The following LCN6 variants were observed in gnomAD, a reference collection of about 807,000 sequenced individuals.
LCN6 encodes epididymal-specific lipocalin-6.
A neutral mutation model predicts 21.4 loss-of-function variants in LCN6; 20 were observed. The observed-to-expected ratio is 0.93, with a 90% CI of 0.66 to 1.36. The LOEUF is 1.36. LCN6 is among the 40% of genes most tolerant of loss of function. The pLI, the probability that LCN6 is intolerant of heterozygous loss-of-function variation, is 0.00. For synonymous variants in LCN6, 96 were observed against 89.0 expected, an observed-to-expected ratio of 1.08 and a Z score of -0.44; for missense variants, 217 against 206.6, an observed-to-expected ratio of 1.05 and a Z score of -0.31.
rs1847004789 is a variant in LCN6 at position 136,744,442 on chromosome 9, C to G, written c.*23-78G>C. On this transcript the variant is annotated intron_variant, in intron 5 of 6. Coordinates refer to ENST00000341206, the MANE Select transcript of LCN6 (RefSeq NM_198946.3). The surrounding 1 kb of genome is among the most constrained non-coding windows in gnomAD (Gnocchi z 4.2). ...CCAGGGCCCCACCCACAAGACTCGCCTGCCGTGGGGACAAGACCCCCAGGC... is the reference window on the plus strand; with the variant it reads ...CCAGGGCCCCACCCACAAGACTCGCGTGCCGTGGGGACAAGACCCCCAGGC... The G allele has an allele frequency of 4.0e-6, 2 of 502,848 alleles. No homozygotes were observed. Among genetic ancestry groups the G allele is most frequent in the Admixed American group, 6.1e-5 (2 of 32,566 alleles). The allele number at this position is 502,848 out of a possible 1,614,324, so 31.1% of individuals were successfully genotyped here.
At chr9:136,748,324 A>G in intron 1 of LCN6, 70 bp downstream of exon 1, 1 of 1,372,354 alleles carries the variant, frequency 7.3e-7, no homozygotes, top group Admixed American at 2.1e-5. Context: ...GGGGGCCCAG[A>G]AGCTGTGTGG....
intron 1 of LCN6, among the ~76,000 whole-genome samples, chr9:136,748,099 T>G (rs1847075139): frequency 7.2e-6 from 1 of 139,490 alleles, no homozygotes; most frequent in South Asian, 2.3e-4. Context: ...CCTCCAGTTC[T>G]CCAGCCCTAC....
rs1029941770 is a variant in LCN6 at position 136,744,501 on chromosome 9, C to T, written c.*23-137G>A. ...GGGCAGGGGCAGGTGAAGACCCCCT[C>T]AGCCTGCCTGACTCCTTCAGGGCGA... On this transcript the variant is annotated intron_variant, in intron 5 of 6. Coordinates refer to ENST00000341206, the MANE Select transcript of LCN6 (RefSeq NM_198946.3). This position sits in a 1 kb window ranked among gnomAD's most constrained non-coding sequence, Gnocchi z 4.2. The T allele has an allele frequency of 6.3e-5, 36 of 575,440 alleles. No individual in the cohort carries two copies. Among genetic ancestry groups the T allele is most frequent in the Non-Finnish European group, 1.1e-4 (36 of 318,754 alleles). The allele number at this position is 575,440 out of a possible 1,614,324, so 35.6% of individuals were successfully genotyped here. A position where few individuals can be genotyped will look rare whatever the true frequency, so the allele number is the denominator to read the frequency against.
At chr9:136,745,801 C>T (rs572955213) in intron 3 of LCN6, 43 bp downstream of exon 3, 2 of 1,569,998 alleles carry the variant, frequency 1.3e-6, no homozygotes, top group African/African-American at 1.3e-5. Flanking sequence ...GGGGATGCTG[C>T]AGGGAAGAAC....
intron 2 of LCN6, among the ~76,000 whole-genome samples, chr9:136,746,366 G>A (rs528124084): frequency 2.0e-4 from 17 of 84,454 alleles, no homozygotes; most frequent in African/African-American, 3.0e-4. Context: ...GTGGGGGTTC[G>A]CCTGCGACTC....
At position 136,744,816 on chromosome 9, in the gene LCN6, G is replaced by A. The variant is rs868200304; in HGVS notation, c.413-75C>T. 8.9e-7 allele frequency: 1 copy of A among 1,121,218 alleles called. No homozygotes were observed. 69.5% of individuals were successfully genotyped at this position (1,121,218 alleles called of 1,614,324 possible). On this transcript the variant is annotated intron_variant, in intron 4 of 6. Coordinates refer to ENST00000341206, the MANE Select transcript of LCN6 (RefSeq NM_198946.3). The surrounding 1 kb of genome is among the most constrained non-coding windows in gnomAD (Gnocchi z 4.2). ...AGGGGCCGGGGAGGGGCTGGGAAGG[G>A]TCAGGAAGGAGGCCACCTGCCCTGG... is the stretch of plus-strand genomic sequence containing the variant.
Position 136,744,777 on chromosome 9 carries a change from T to A in LCN6, c.413-36A>T. ...CAGGGCAGTGCAGGGGGAAGCAACC[T>A]CTGAGAGCTGGGGAGGGGCCGGGGA... On this transcript the variant is annotated intron_variant, in intron 4 of 6. Transcript: ENST00000341206. This position sits in a 1 kb window ranked among gnomAD's most constrained non-coding sequence, Gnocchi z 4.2. 2 of 1,308,240 alleles carry A rather than the reference T, an allele frequency of 1.5e-6. No homozygotes were observed. Among genetic ancestry groups the A allele is most frequent in the Non-Finnish European group, 2.2e-6 (2 of 912,830 alleles). 81.0% of individuals were successfully genotyped at this position (1,308,240 alleles called of 1,614,324 possible).
chr9:136,747,930 G>A (rs1847071484), intron 1 of LCN6, among the ~76,000 whole-genome samples: 1 of 106,054 alleles, frequency 9.4e-6, no homozygotes, highest in South Asian at 2.8e-4. Flanking sequence ...ACAGCCTCTA[G>A]GCTCCAGCCC....
Position 136,744,956 on chromosome 9 carries a change from C to A in LCN6, c.412+214G>T, listed in dbSNP as rs1011765765. On this transcript the variant is annotated intron_variant, in intron 4 of 6. Coordinates refer to ENST00000341206, the MANE Select transcript of LCN6 (RefSeq NM_198946.3). The surrounding 1 kb of genome is among the most constrained non-coding windows in gnomAD (Gnocchi z 4.2). The stretch of plus-strand genomic sequence containing the variant: ...ACCCACCACACAGCTCCCCACATGG[C>A]CCCCGAGCGGCCCACTCACCACACA... Among the ~76,000 whole-genome samples, 4 of 149,190 alleles carry A rather than the reference C, an allele frequency of 2.7e-5. No homozygotes were observed. The highest frequency in any genetic ancestry group is 7.4e-5 in the African/African-American group (3 of 40,794).
intron 1 of LCN6, 78 bp downstream of exon 1, chr9:136,748,316 G>T: frequency 7.8e-7 from 1 of 1,289,968 alleles, no homozygotes; most frequent in Non-Finnish European, 1.1e-6. Flanking sequence ...TAGCCCTGGG[G>T]GGCCCAGAAG....
At position 136,747,562 on chromosome 9, in the gene LCN6, A is replaced by G. The variant is rs758932260; in HGVS notation, c.92T>C (p.Leu31Pro). 3.1e-6 allele frequency: 5 copies of G among 1,609,844 alleles called. No individual in the cohort carries two copies. The highest frequency in any genetic ancestry group is 2.2e-5 in the East Asian group (1 of 44,884). ...CGCAAGCACGTACCAGGGCCCAAGA[A>G]GCTGCATTGAGGCGGCTCCCGTTAG... ...VWLGRLDPEQ[L>P]LGPWYVLAVA... The change falls in exon 2 of 7, where the codon CTT becomes CCT. Residue 31 changes from leucine (L) to proline (P), a missense_variant and splice_region_variant. Physicochemically the swap from Leu to Pro is moderately conservative, Grantham distance 98. Coordinates refer to ENST00000341206, the MANE Select transcript of LCN6 (RefSeq NM_198946.3).
Position 136,744,725 on chromosome 9 carries a change from G to A in LCN6, c.429C>T (p.Ala143=). The A allele has an allele frequency of 6.2e-7, 1 of 1,609,868 alleles. No individual in the cohort carries two copies. The highest frequency in any genetic ancestry group is 8.5e-7 in the Non-Finnish European group (1 of 1,178,038). ...TGAAGAGCCCCATGGCCTCCTGGCT[G>A]GCTGTCTCCGTCAGACCTGGGGGCA... The part of the protein sequence containing the change: ...TVELYSLTET[A]SQEAMGLFTK... The change falls in exon 5 of 7, where the codon GCC becomes GCT. Residue 143 remains alanine (A), a synonymous_variant. Coordinates refer to ENST00000341206, the MANE Select transcript of LCN6 (RefSeq NM_198946.3). This position sits in a 1 kb window ranked among gnomAD's most constrained non-coding sequence, Gnocchi z 4.2.
intron 1 of LCN6, 38 bp downstream of exon 1, chr9:136,748,356 C>T (rs1272937898): frequency 1.9e-6 from 3 of 1,555,544 alleles, no homozygotes; most frequent in Non-Finnish European, 2.6e-6. Flanking sequence ...GGGCTGGCCC[C>T]CGAGGACCAG....
chr9:136,745,811 C>T (rs376443515), intron 3 of LCN6, 33 bp downstream of exon 3: 15 of 1,599,006 alleles, frequency 9.4e-6, no homozygotes, highest in African/African-American at 5.4e-5. Flanking sequence ...CAGGGAAGAA[C>T]GGCCTGGGTG....
intron 3 of LCN6, 106 bp downstream of exon 3, chr9:136,745,738 C>G (rs887331704): frequency 5.2e-6 from 5 of 968,184 alleles, no homozygotes; most frequent in Non-Finnish European, 6.6e-6. Context: ...AACCTGTAGC[C>G]TCCTGGCTCT....
Position 136,745,297 on chromosome 9 carries a change from C to T in LCN6, c.302-17G>A, listed in dbSNP as rs763830660. On this transcript the variant is annotated splice_polypyrimidine_tract_variant and intron_variant, in intron 3 of 6. Coordinates refer to ENST00000341206, the MANE Select transcript of LCN6 (RefSeq NM_198946.3). ...CGCCTATTGCTAGGAAACAAAACCC[C>T]CCGCCTCAGGGGAGGGCAGCTGCTG... The T allele has an allele frequency of 2.0e-5, 31 of 1,577,146 alleles. No individual in the cohort carries two copies. In the South Asian group the frequency reaches 2.7e-4, roughly 14 times the overall value.
rs755555733 is a variant in LCN6 at position 136,744,461 on chromosome 9, C to T, written c.*23-97G>A. On this transcript the variant is annotated intron_variant, in intron 5 of 6. Transcript: ENST00000341206. The surrounding 1 kb of genome is among the most constrained non-coding windows in gnomAD (Gnocchi z 4.2). ...ACTCGCCTGCCGTGGGGACAAGACC[C>T]CCAGGCCTGACTTTGGGCAGGGGCA... 9.5e-6 allele frequency: 5 copies of T among 523,570 alleles called. No individual in the cohort carries two copies. Among genetic ancestry groups the T allele is most frequent in the African/African-American group, 5.7e-5 (3 of 52,874 alleles). 32.4% of individuals were successfully genotyped at this position (523,570 alleles called of 1,614,324 possible). A position where few individuals can be genotyped will look rare whatever the true frequency, so the allele number is the denominator to read the frequency against.
chr9:136,747,611 GCCTCC>G (rs1847059799), intron 1 of LCN6, 48 bp from the exon 2 acceptor site: 1 of 1,565,594 alleles, frequency 6.4e-7, no homozygotes. Flanking sequence ...CCAGCCTCCA[GCCTCC>G]AGCCTCCAAC....
intron 2 of LCN6, chr9:136,746,165 C>T (rs1847033935): frequency 4.3e-6 from 2 of 468,200 alleles, no homozygotes; most frequent in East Asian, 3.8e-5. Context: ...ACGCTGAATG[C>T]TGCTGAGGAC....
Sources: allele counts gnomAD v4.1 joint callset (sites outside exome capture counted in the v4.1 genomes callset), GRCh38; gene constraint gnomAD v4.1.1; non-coding constraint Gnocchi (gnomAD v3.1); transcripts MANE v1.5; gene names NCBI Gene and HGNC (gene_info 2026-07-23, HGNC 2026-07-21).